ANKHD1: variants seen among roughly 807,000 people sequenced by gnomAD.
ANKHD1 encodes the protein ankyrin repeat and KH domain containing 1, also known as ankyrin repeat and KH domain-containing protein 1.
In ANKHD1, 31 loss-of-function variants were observed where a neutral mutation model predicts 230.5. The ratio of observed to expected loss-of-function variants is 0.13; its 90% CI spans 0.10 to 0.18. The LOEUF (loss-of-function observed/expected upper bound fraction) is 0.18. ANKHD1 is among the 10% of genes least tolerant of loss of function. ANKHD1 has a pLI of 1.00. For missense variants in ANKHD1, 2,256 were observed against 3,071.3 expected, an observed-to-expected ratio of 0.73 and a Z score of 6.27; for synonymous variants, 1,074 against 1,117.6, an observed-to-expected ratio of 0.96 and a Z score of 0.78.
chr5:140,440,838 A>C (rs1432208024), intron 4 of ANKHD1, among the ~76,000 whole-genome samples, 157 bp from the exon 5 acceptor site: 1 of 152,216 alleles, frequency 6.6e-6, no homozygotes, highest in East Asian at 1.9e-4. Context: ...CTGGCATGTT[A>C]AGCAGTGAGT....
At chr5:140,513,323 C>CT (rs1561816636) in intron 23 of ANKHD1, 40 bp from the exon 24 acceptor site, 1 of 1,558,784 alleles carries the variant, frequency 6.4e-7, no homozygotes, top group Non-Finnish European at 8.7e-7. Flanking sequence ...TATTTGGCCT[C>CT]TTTCATTATA....
chr5:140,481,203 A>G (rs553452853), intron 10 of ANKHD1, among the ~76,000 whole-genome samples: 4 of 152,228 alleles, frequency 2.6e-5, no homozygotes, highest in African/African-American at 7.2e-5. Context: ...AGTTGGATAG[A>G]AAAACTGGAC....
intron 24 of ANKHD1, among the ~76,000 whole-genome samples, chr5:140,519,556 A>G (rs1034924630): frequency 6.6e-6 from 1 of 152,166 alleles, no homozygotes; most frequent in African/African-American, 2.4e-5. Context: ...ACCAAAACAG[A>G]ATGTTACTGG....
chr5:140,460,609 C>G (rs1363782204), intron 9 of ANKHD1, among the ~76,000 whole-genome samples: 1 of 152,128 alleles, frequency 6.6e-6, no homozygotes, highest in East Asian at 1.9e-4. Flanking sequence ...CAACCTCAAC[C>G]TCCTGGGCTC....
chr5:140,444,230 A>G (rs1774100129), intron 5 of ANKHD1, among the ~76,000 whole-genome samples: 2 of 151,932 alleles, frequency 1.3e-5, no homozygotes, highest in African/African-American at 4.8e-5. Flanking sequence ...CTCAAACCCC[A>G]CAGATACCCC....
chr5:140,469,434 G>C (rs1373257665), intron 10 of ANKHD1, among the ~76,000 whole-genome samples: 1 of 151,744 alleles, frequency 6.6e-6, no homozygotes, highest in Non-Finnish European at 1.5e-5. Context: ...TTGAGCCCAG[G>C]AAGCGGAGGT....
chr5:140,524,988 A>G, intron 25 of ANKHD1: 1 of 303,926 alleles, frequency 3.3e-6, no homozygotes. Context: ...GCGTGGTGGC[A>G]CATGCCTATA....
chr5:140,468,052 CTTTTTTTTTTTTTTTTTTTTTTTT>C (rs869172143), intron 10 of ANKHD1, among the ~76,000 whole-genome samples: 15 of 52,412 alleles, frequency 2.9e-4, no homozygotes, highest in East Asian at 1.9e-3. Context: ...TGTACTAATT[CTTTTTTTTTTTTTTTTTTTTTTTT>C]TTTTTTTTTT....
intron 1 of ANKHD1, among the ~76,000 whole-genome samples, chr5:140,429,539 T>A (rs1282951285): frequency 6.6e-6 from 1 of 152,206 alleles, no homozygotes; most frequent in African/African-American, 2.4e-5. Flanking sequence ...AACAATGTAT[T>A]TTTCATTTAT....
intron 13 of ANKHD1, 62 bp from the exon 14 acceptor site, chr5:140,486,896 A>G: frequency 1.3e-6 from 2 of 1,522,360 alleles, no homozygotes; most frequent in Non-Finnish European, 1.8e-6. Context: ...TATCTGTTTC[A>G]TTTATGGGCC....
In ANKHD1 at chr5:140,527,082, GA is replaced by G. The variant is rs1561832731; in HGVS notation, c.5087+10del. 1 of 1,605,450 alleles carries G rather than the reference GA, an allele frequency of 6.2e-7. No homozygotes were observed. The highest frequency in any genetic ancestry group is 8.5e-7 in the Non-Finnish European group (1 of 1,176,986). Reference sequence around the variant, plus strand: ...GAAAGAAGTTGTACGAAGGTAAATAGAATTAGTTCCATCTTTTTAGCTTTCA... The same window carrying G: ...GAAAGAAGTTGTACGAAGGTAAATAGATTAGTTCCATCTTTTTAGCTTTCA... On this transcript the variant is annotated intron_variant, in intron 27 of 33. Transcript: ENST00000360839. This position sits in a 1 kb window ranked among gnomAD's most constrained non-coding sequence, Gnocchi z 4.5.
chr5:140,508,731 G>A (rs1300589515), intron 20 of ANKHD1, among the ~76,000 whole-genome samples: 4 of 151,434 alleles, frequency 2.6e-5, no homozygotes, highest in African/African-American at 7.3e-5. Context: ...ACTCCAGCCC[G>A]TGCAACAAGA....
chr5:140,513,942 G>C (rs1752872554), intron 24 of ANKHD1, among the ~76,000 whole-genome samples: 1 of 151,836 alleles, frequency 6.6e-6, no homozygotes. Flanking sequence ...CCTGAGCCCA[G>C]GAGGCAGAGG....
chr5:140,465,506 A>G (rs1369729637), intron 10 of ANKHD1, among the ~76,000 whole-genome samples: 1 of 152,182 alleles, frequency 6.6e-6, no homozygotes, highest in Non-Finnish European at 1.5e-5. Context: ...ACTGCTTCCT[A>G]GAGTTTTTCC....
intron 7 of ANKHD1, 75 bp from the exon 8 acceptor site, chr5:140,458,550 T>C: frequency 6.8e-7 from 1 of 1,477,330 alleles, no homozygotes; most frequent in Non-Finnish European, 9.1e-7. Context: ...ATCTCTTGCT[T>C]TCTTCTCTCC....
chr5:140,445,298 G>T (rs1449957783), intron 5 of ANKHD1, among the ~76,000 whole-genome samples: 1 of 152,142 alleles, frequency 6.6e-6, no homozygotes, highest in Non-Finnish European at 1.5e-5. Context: ...CTGACGTCAG[G>T]AGTTTGAGAC....
chr5:140,482,760 C>G, intron 11 of ANKHD1, 93 bp downstream of exon 11: 7 of 1,333,824 alleles, frequency 5.2e-6, no homozygotes, highest in Non-Finnish European at 7.3e-6. Context: ...GCTACTTTAC[C>G]TACAGTAAAG....
In ANKHD1 at chr5:140,513,701, C is replaced by T. The variant is rs187714621; in HGVS notation, c.4317+222C>T. ...GCACACCCCTGTAATCCCAGCTACT[C>T]GGGAGGCTGAGGCAGGAGAATTGCT... On this transcript the variant is annotated intron_variant, in intron 24 of 33. Transcript: ENST00000360839. Among the ~76,000 whole-genome samples the T allele has an allele frequency of 2.4e-4, 37 of 151,048 alleles. No homozygotes were observed. In the South Asian group the frequency reaches 3.3e-3, roughly 14 times the overall value.
chr5:140,529,681 T>A lies in ANKHD1; in HGVS notation c.6735T>A (p.Val2245=). 6.2e-7 allele frequency: 1 copy of A among 1,614,210 alleles called. No individual in the cohort carries two copies. The highest frequency in any genetic ancestry group is 8.5e-7 in the Non-Finnish European group (1 of 1,180,038). The change falls in exon 29 of 34, where the codon GTT becomes GTA. Residue 2245 remains valine, a synonymous_variant. Transcript: ENST00000360839. ...TTGCTACAGATGCCTCTTTCACTGTTCAGTCAGCGTTCCTGGGTAACTCAG... is the reference window on the plus strand; with the variant it reads ...TTGCTACAGATGCCTCTTTCACTGTACAGTCAGCGTTCCTGGGTAACTCAG... The part of the protein sequence containing the change: ...SRVATDASFT[V]QSAFLGNSVL...
Sources: gnomAD v4.1 joint callset for allele counts (sites outside exome capture counted in the v4.1 genomes callset) on GRCh38, gnomAD v4.1.1 for gene constraint, Gnocchi (gnomAD v3.1) non-coding constraint, MANE v1.5 for transcripts, NCBI Gene and HGNC (gene_info 2026-07-23, HGNC 2026-07-21) for gene names.